ERC1: variants seen among roughly 807,000 people sequenced by gnomAD.
ERC1 encodes the protein RAB6 interacting protein 2.
ERC1 carries 56 observed loss-of-function variants against 132.0 expected under a neutral mutation model. That is an observed-to-expected ratio of 0.42 (90% CI 0.34 to 0.53). The LOEUF is 0.53. Among genes scored for constraint, ERC1 ranks in the 20% least tolerant of loss-of-function variants. The pLI, the probability that ERC1 is intolerant of heterozygous loss-of-function variation, is 0.03. For synonymous variants in ERC1, 478 were observed against 476.1 expected (o/e 1.00, Z -0.05); for missense variants, 1,202 against 1,349.9 (o/e 0.89, Z 1.72).
intron 11 of ERC1, among the ~76,000 whole-genome samples, chr12:1,188,356 C>T (rs1955343700): frequency 6.6e-6 from 1 of 152,122 alleles, no homozygotes; most frequent in African/African-American, 2.4e-5. Flanking sequence ...CTTCTTCCCT[C>T]TCTCCTTTTC....
intron 11 of ERC1, among the ~76,000 whole-genome samples, chr12:1,185,226 T>C (rs1164986317): frequency 6.6e-6 from 1 of 151,850 alleles, no homozygotes; most frequent in African/African-American, 2.4e-5. Flanking sequence ...TTTTTTTAAA[T>C]AGAGGGGTCT....
At chr12:1,377,413 C>T (rs138548765) in intron 16 of ERC1, among the ~76,000 whole-genome samples, 511 of 152,320 alleles carry the variant, frequency 3.4e-3, no homozygotes, top group African/African-American at 0.012. Flanking sequence ...CATCTGTGAA[C>T]CTGCATTTGT....
At chr12:1,257,177 A>G (rs901079351) in intron 13 of ERC1, 1 of 140,598 alleles carries the variant, frequency 7.1e-6, no homozygotes, top group African/African-American at 2.8e-5. Context: ...ATGACACTCA[A>G]GCAGCCCGGT....
At chr12:1,092,209 G>T (rs1943329926) in intron 3 of ERC1, among the ~76,000 whole-genome samples, 1 of 152,122 alleles carries the variant, frequency 6.6e-6, no homozygotes, top group Non-Finnish European at 1.5e-5. Flanking sequence ...ATGTTGGTCA[G>T]GCTGGTCTTG....
intron 2 of ERC1, among the ~76,000 whole-genome samples, chr12:1,041,257 G>A (rs967882337): frequency 2.0e-5 from 3 of 150,720 alleles, no homozygotes; most frequent in South Asian, 2.1e-4. Flanking sequence ...TCCTAGACTG[G>A]AGTGCAGTGG....
At chr12:1,334,229 T>A (rs952851987) in intron 15 of ERC1, among the ~76,000 whole-genome samples, 1 of 152,254 alleles carries the variant, frequency 6.6e-6, no homozygotes, top group Non-Finnish European at 1.5e-5. Context: ...AGAAACTCTC[T>A]AGTTTACATA....
Position 1,452,324 on chromosome 12 carries a change from A to T in ERC1, c.3213+7574A>T, listed in dbSNP as rs924677984. 1.1e-4 allele frequency among the ~76,000 whole-genome samples: 17 copies of T among 151,956 alleles called. No homozygotes were observed. In the South Asian group the frequency reaches 3.3e-3, roughly 30 times the overall value. ...GGTGAGTGGGTTGGTTGGTTGGTTG[A>T]TATACCATGTTCTTTTTTCTCCTGA... On this transcript the variant is annotated intron_variant, in intron 18 of 18. Transcript: ENST00000360905.
At chr12:1,487,570 A>G (rs1375090038) in intron 18 of ERC1, among the ~76,000 whole-genome samples, 6 of 150,740 alleles carry the variant, frequency 4.0e-5, no homozygotes, top group East Asian at 3.9e-4. Context: ...AAATACAAAA[A>G]TTAGCCAGGC....
chr12:1,418,565 TTTTCTTTC>T (rs201550576), intron 17 of ERC1, among the ~76,000 whole-genome samples: 2 of 145,266 alleles, frequency 1.4e-5, no homozygotes, highest in Admixed American at 6.8e-5. Flanking sequence ...GAAGTCTTCA[TTTTCTTTC>T]TTTCTTTCTT....
intron 15 of ERC1, among the ~76,000 whole-genome samples, chr12:1,318,762 G>A (rs895892553): frequency 1.3e-5 from 2 of 152,022 alleles, no homozygotes; most frequent in African/African-American, 2.4e-5. Flanking sequence ...AATTTATGCA[G>A]AGTTGCAAGT....
intron 7 of ERC1, among the ~76,000 whole-genome samples, chr12:1,124,671 T>C (rs1027142738): frequency 6.6e-6 from 1 of 151,532 alleles, no homozygotes; most frequent in Non-Finnish European, 1.5e-5. Context: ...TAATAGAGAA[T>C]AAAACAACAC....
At position 1,112,198 on chromosome 12, in the gene ERC1, T is replaced by G; in HGVS notation, c.1318-17T>G. 1.3e-6 allele frequency: 2 copies of G among 1,580,292 alleles called. No individual in the cohort carries two copies. Among genetic ancestry groups the G allele is most frequent in the Non-Finnish European group, 1.7e-6 (2 of 1,150,332 alleles). On this transcript the variant is annotated splice_polypyrimidine_tract_variant and intron_variant, in intron 5 of 18. Transcript: ENST00000360905. Reference sequence around the variant, plus strand: ...AAGTTGACACATAAGTGAAAAAGAATAATAATGTCGTGACAGGTAGAACAA... The same window carrying G: ...AAGTTGACACATAAGTGAAAAAGAAGAATAATGTCGTGACAGGTAGAACAA...
chr12:1,273,616 C>T (rs2078034265), intron 14 of ERC1, among the ~76,000 whole-genome samples: 1 of 152,110 alleles, frequency 6.6e-6, no homozygotes, highest in Non-Finnish European at 1.5e-5. Context: ...TTGGCTAGAG[C>T]ACCTGAAAAA....
chr12:1,476,593 C>T (rs969140773), intron 18 of ERC1, among the ~76,000 whole-genome samples: 4 of 152,152 alleles, frequency 2.6e-5, no homozygotes, highest in African/African-American at 9.7e-5. Context: ...ACAGTGCTGT[C>T]ATACTGGGAA....
intron 2 of ERC1, among the ~76,000 whole-genome samples, chr12:1,052,434 GATA>G (rs1468316481): frequency 6.6e-6 from 1 of 152,136 alleles, no homozygotes; most frequent in Non-Finnish European, 1.5e-5. Flanking sequence ...CCTTTTTGGT[GATA>G]ATAAACCGCT....
At chr12:1,308,012 C>T (rs551171433) in intron 15 of ERC1, among the ~76,000 whole-genome samples, 1 of 152,102 alleles carries the variant, frequency 6.6e-6, no homozygotes, top group Non-Finnish European at 1.5e-5. Flanking sequence ...GGAGATAAAC[C>T]TCAAAGGTCA....
intron 15 of ERC1, among the ~76,000 whole-genome samples, chr12:1,319,375 A>G (rs2081971077): frequency 6.6e-6 from 1 of 152,086 alleles, no homozygotes. Context: ...CAAATAGAAA[A>G]ATTCTCATTC....
At chr12:1,485,396 A>T (rs192542198) in intron 18 of ERC1, among the ~76,000 whole-genome samples, 3 of 149,510 alleles carry the variant, frequency 2.0e-5, no homozygotes, top group Non-Finnish European at 4.4e-5. Context: ...GTAGAGACAG[A>T]GTTTCACCAC....
chr12:1,419,243 G>C (rs1227468773), intron 17 of ERC1, among the ~76,000 whole-genome samples: 3 of 152,036 alleles, frequency 2.0e-5, no homozygotes, highest in Non-Finnish European at 4.4e-5. Context: ...CCCCATGGTA[G>C]CAATGTATGT....
Sources: allele counts gnomAD v4.1 joint callset (sites outside exome capture counted in the v4.1 genomes callset), GRCh38; gene constraint gnomAD v4.1.1; transcripts MANE v1.5; gene names NCBI Gene and HGNC (gene_info 2026-07-23, HGNC 2026-07-21).